Variants in RANBP2 observed in about 807,000 individuals in gnomAD.
RANBP2 encodes RAN binding protein 2, also known as E3 SUMO-protein ligase RanBP2.
Under a neutral mutation model 303.6 loss-of-function variants are expected in RANBP2, and 57 were observed. The observed-to-expected ratio is 0.19, with a 90% CI of 0.15 to 0.23. The LOEUF is 0.23. Ranked by LOEUF, RANBP2 falls within the 10% of genes least tolerant of loss-of-function variation. The pLI is 1.00. For synonymous variants in RANBP2, 1,167 were observed against 1,301.5 expected (o/e 0.90, Z 2.23); for missense variants, 3,138 against 3,780.8 (o/e 0.83, Z 4.46).
the RANBP2 span, among the ~76,000 whole-genome samples, chr2:109,383,293 C>A: frequency 6.6e-6 from 1 of 152,212 alleles, no homozygotes; most frequent in Non-Finnish European, 1.5e-5. Context: ...ACCAAGCACA[C>A]CCATGTGGAG....
At chr2:109,774,632 T>C in the RANBP2 span, among the ~76,000 whole-genome samples, 1 of 74,690 alleles carries the variant, frequency 1.3e-5, no homozygotes, top group Non-Finnish European at 2.2e-5. Context: ...TTCTGAACTT[T>C]CAAACTCAGA....
chr2:109,270,358 C>A, the RANBP2 span, among the ~76,000 whole-genome samples: 2 of 152,180 alleles, frequency 1.3e-5, no homozygotes, highest in African/African-American at 4.8e-5. Context: ...CAGAAAGCTG[C>A]CTAGCGGGAT....
the RANBP2 span, among the ~76,000 whole-genome samples, chr2:109,483,792 AGGCGCT>A: frequency 5.3e-5 from 8 of 152,096 alleles, no homozygotes; most frequent in African/African-American, 1.9e-4. Flanking sequence ...CCCAGGCTGC[AGGCGCT>A]GGGGTTGCCT....
At chr2:109,088,800 C>T in the RANBP2 span, among the ~76,000 whole-genome samples, 1 of 152,142 alleles carries the variant, frequency 6.6e-6, no homozygotes, top group African/African-American at 2.4e-5. Flanking sequence ...ATGTGAGCCA[C>T]CATGCCCGGC....
chr2:109,707,710 G>A, the RANBP2 span, among the ~76,000 whole-genome samples: 1 of 152,188 alleles, frequency 6.6e-6, no homozygotes, highest in Admixed American at 6.5e-5. Flanking sequence ...CTGGTTGTTC[G>A]ATAGTTTGAA....
chr2:109,051,601 G>C, the RANBP2 span, among the ~76,000 whole-genome samples: 1 of 151,928 alleles, frequency 6.6e-6, no homozygotes, highest in Non-Finnish European at 1.5e-5. Flanking sequence ...GAGGGAGAGG[G>C]GTAGTTACAT....
chr2:108,875,092 C>T, the RANBP2 span, among the ~76,000 whole-genome samples: 22 of 151,598 alleles, frequency 1.5e-4, 1 homozygote, highest in African/African-American at 5.3e-4. Flanking sequence ...TAAAATAAAT[C>T]TTTAAGACCA....
the RANBP2 span, among the ~76,000 whole-genome samples, chr2:108,915,363 T>C: frequency 6.6e-6 from 1 of 152,192 alleles, no homozygotes; most frequent in South Asian, 2.1e-4. Context: ...TGCTTCTCTG[T>C]CCTCACACCT....
the RANBP2 span, among the ~76,000 whole-genome samples, chr2:109,173,103 A>G: frequency 6.6e-6 from 1 of 152,258 alleles, no homozygotes; most frequent in Non-Finnish European, 1.5e-5. Flanking sequence ...TTAAGTTTCA[A>G]TAAATGAACA....
chr2:109,133,527 C>G, the RANBP2 span, among the ~76,000 whole-genome samples: 1 of 152,132 alleles, frequency 6.6e-6, no homozygotes, highest in African/African-American at 2.4e-5. Flanking sequence ...AACACAGTCA[C>G]CTTTTATGAT....
In RANBP2 at chr2:108,782,016, A is replaced by G. The variant is rs990725372; in HGVS notation, c.8761-112A>G. 5 of 1,258,200 alleles carry G rather than the reference A, an allele frequency of 4.0e-6. No individual in the cohort carries two copies. In the African/African-American group the frequency reaches 7.6e-5, roughly 19 times the overall value. 77.9% of individuals were successfully genotyped at this position (1,258,200 alleles called of 1,614,324 possible). A position where few individuals can be genotyped will look rare whatever the true frequency, so the allele number is the denominator to read the frequency against. On this transcript the variant is annotated intron_variant, in intron 26 of 28. Coordinates refer to ENST00000283195, the MANE Select transcript of RANBP2 (RefSeq NM_006267.5). ...TATATAACCAGTTATCACATTAACA[A>G]ATTCTCTTTGTCATCACAAAGAAAA... is the stretch of plus-strand genomic sequence containing the variant.
At chr2:108,826,260 T>C in the RANBP2 span, among the ~76,000 whole-genome samples, 1 of 152,200 alleles carries the variant, frequency 6.6e-6, no homozygotes, top group Non-Finnish European at 1.5e-5. Context: ...TTTTAAATTT[T>C]TATAAAGTCC....
At chr2:109,608,037 T>C in the RANBP2 span, among the ~76,000 whole-genome samples, 41 of 152,376 alleles carry the variant, frequency 2.7e-4, 1 homozygote, top group South Asian at 8.3e-3. Flanking sequence ...AGCTACTAAT[T>C]TGTCAGTGAG....
chr2:108,975,436 C>T, the RANBP2 span, among the ~76,000 whole-genome samples: 1 of 152,120 alleles, frequency 6.6e-6, no homozygotes, highest in African/African-American at 2.4e-5. Context: ...ACATGGATAG[C>T]GCCAGCACAT....
At chr2:109,025,521 A>G in the RANBP2 span, among the ~76,000 whole-genome samples, 1 of 152,226 alleles carries the variant, frequency 6.6e-6, no homozygotes, top group Non-Finnish European at 1.5e-5. Flanking sequence ...AAAAACAAGG[A>G]CATAGGGCGG....
chr2:109,518,915 CTTTT>C, the RANBP2 span, among the ~76,000 whole-genome samples: 2 of 110,986 alleles, frequency 1.8e-5, no homozygotes, highest in South Asian at 2.9e-4. Flanking sequence ...TGCTACATAT[CTTTT>C]TTTTTTTTTT....
chr2:109,264,427 G>A, the RANBP2 span, among the ~76,000 whole-genome samples: 1 of 151,996 alleles, frequency 6.6e-6, no homozygotes, highest in Non-Finnish European at 1.5e-5. Context: ...ACCTCCCCAC[G>A]ATCCACCCCA....
At chr2:108,868,891 T>C in the RANBP2 span, among the ~76,000 whole-genome samples, 1 of 152,140 alleles carries the variant, frequency 6.6e-6, no homozygotes, top group Non-Finnish European at 1.5e-5. Flanking sequence ...ATGAAGTGCC[T>C]ACCTTTTGTG....
At chr2:109,369,787 C>T in the RANBP2 span, among the ~76,000 whole-genome samples, 1 of 152,202 alleles carries the variant, frequency 6.6e-6, no homozygotes, top group Non-Finnish European at 1.5e-5. Context: ...CCAAACCCTA[C>T]GGCCCCCTCC....
Sources: gnomAD v4.1 joint callset for allele counts (sites outside exome capture counted in the v4.1 genomes callset) on GRCh38, gnomAD v4.1.1 for gene constraint, MANE v1.5 for transcripts, NCBI Gene and HGNC (gene_info 2026-07-23, HGNC 2026-07-21) for gene names.